The following STK31 variants were observed in gnomAD, a reference collection of about 807,000 sequenced individuals.
STK31 encodes serine/threonine kinase 31.
Under a neutral mutation model 129.7 loss-of-function variants are expected in STK31, and 89 were observed. The observed-to-expected ratio is 0.69, with a 90% CI of 0.58 to 0.82. The LOEUF (loss-of-function observed/expected upper bound fraction) is 0.82, where lower values mean the gene tolerates loss of function less well. STK31 is among the 40% of genes least tolerant of loss of function. STK31 has a pLI of 0.00. For missense variants in STK31, 1,187 were observed against 1,176.4 expected, an observed-to-expected ratio of 1.01 and a Z score of -0.13; for synonymous variants, 448 against 395.3, an observed-to-expected ratio of 1.13 and a Z score of -1.58.
intron 18 of STK31, 124 bp from the exon 19 acceptor site, chr7:23,786,384 A>G (rs904906198): frequency 9.2e-7 from 1 of 1,083,206 alleles, no homozygotes; most frequent in African/African-American, 1.6e-5. Flanking sequence ...GTACTTATAA[A>G]ATTAAAAAAT....
At chr7:23,714,281 C>G (rs181231018) in intron 3 of STK31, among the ~76,000 whole-genome samples, 4 of 152,342 alleles carry the variant, frequency 2.6e-5, no homozygotes, top group Admixed American at 2.0e-4. Context: ...CTCACACGTT[C>G]TGGTTCCATG....
intron 15 of STK31, among the ~76,000 whole-genome samples, chr7:23,774,657 G>C (rs947965123): frequency 6.6e-6 from 1 of 151,966 alleles, no homozygotes; most frequent in Non-Finnish European, 1.5e-5. Context: ...TGTTTAAGTC[G>C]TGGTAGATTC....
chr7:23,710,175 A>AT, upstream of STK31: 1 of 1,579,368 alleles, frequency 6.3e-7, no homozygotes, highest in Non-Finnish European at 8.6e-7. Flanking sequence ...CTAACACCGG[A>AT]TGATGGCGCA....
At chr7:23,716,977 T>C (rs1786370379) in intron 3 of STK31, among the ~76,000 whole-genome samples, 1 of 151,684 alleles carries the variant, frequency 6.6e-6, no homozygotes, top group Non-Finnish European at 1.5e-5. Context: ...TGTATTATTT[T>C]TGTAGAGACA....
chr7:23,747,703 A>G (rs1217991998), intron 8 of STK31, among the ~76,000 whole-genome samples: 1 of 152,178 alleles, frequency 6.6e-6, no homozygotes, highest in Non-Finnish European at 1.5e-5. Context: ...TTGGCAGATT[A>G]CGTCTTTCAA....
chr7:23,777,645 C>G (rs1399582901), intron 15 of STK31, among the ~76,000 whole-genome samples: 2 of 151,480 alleles, frequency 1.3e-5, no homozygotes, highest in Non-Finnish European at 2.9e-5. Context: ...TATCAGATAC[C>G]AGGATTGCAA....
intron 23 of STK31, among the ~76,000 whole-genome samples, chr7:23,826,284 G>A (rs1388250505): frequency 1.3e-5 from 2 of 152,150 alleles, no homozygotes; most frequent in African/African-American, 4.8e-5. Flanking sequence ...GGGTCCTCCT[G>A]TATTGGGTGC....
chr7:23,819,122 T>C (rs1326919634), intron 23 of STK31, among the ~76,000 whole-genome samples: 1 of 152,246 alleles, frequency 6.6e-6, no homozygotes, highest in African/African-American at 2.4e-5. Flanking sequence ...ATAAGACTTT[T>C]GTTCCTGATC....
intron 22 of STK31, among the ~76,000 whole-genome samples, chr7:23,808,973 C>CTGTG (rs1792913124): frequency 1.0e-4 from 3 of 28,582 alleles, no homozygotes; most frequent in African/African-American, 1.1e-4. Context: ...GTGTGTGTGC[C>CTGTG]TGTGTCTGTT....
chr7:23,802,500 C>T (rs368450289), intron 22 of STK31, among the ~76,000 whole-genome samples: 13 of 152,026 alleles, frequency 8.6e-5, no homozygotes, highest in African/African-American at 2.9e-4. Flanking sequence ...TTGAGGGGAG[C>T]GCCAAGAAGC....
At chr7:23,719,626 A>C (rs1786563596) in intron 4 of STK31, among the ~76,000 whole-genome samples, 1 of 152,146 alleles carries the variant, frequency 6.6e-6, no homozygotes, top group African/African-American at 2.4e-5. Context: ...GCATTTCAGT[A>C]ATCATCTAAG....
chr7:23,815,337 A>G (rs1209779928), intron 23 of STK31, 125 bp downstream of exon 23: 1 of 659,056 alleles, frequency 1.5e-6, no homozygotes, highest in Non-Finnish European at 2.4e-6. Flanking sequence ...TAAATGAAGT[A>G]TTGAAAAAAA....
chr7:23,794,411 A>G (rs1584459088), intron 22 of STK31, among the ~76,000 whole-genome samples: 1 of 152,234 alleles, frequency 6.6e-6, no homozygotes, highest in Non-Finnish European at 1.5e-5. Flanking sequence ...CTGTGAGTCA[A>G]TTAAACCTCT....
chr7:23,718,099 A>G (rs999631581), intron 4 of STK31, among the ~76,000 whole-genome samples: 5 of 152,166 alleles, frequency 3.3e-5, no homozygotes, highest in South Asian at 2.1e-4. Context: ...AGTCAATTTT[A>G]TGTTATGTAT....
chr7:23,740,059 T>C (rs762581379), intron 8 of STK31, among the ~76,000 whole-genome samples: 1 of 152,200 alleles, frequency 6.6e-6, no homozygotes, highest in African/African-American at 2.4e-5. Context: ...TCAATTACTT[T>C]GGGCAGTGTG....
At chr7:23,731,601 T>C (rs1787436979) in intron 6 of STK31, among the ~76,000 whole-genome samples, 1 of 152,160 alleles carries the variant, frequency 6.6e-6, no homozygotes. Flanking sequence ...TCCTTCCCCT[T>C]TTCCAGAAGG....
Position 23,774,958 on chromosome 7 carries a change from G to A in STK31, c.1965+2680G>A, listed in dbSNP as rs184072974. ...CACCTTGAATTAATTTTTGTATAAG[G>A]TGTAAGGAAGGTATCCAGTTTCAGC... On this transcript the variant is annotated intron_variant, in intron 15 of 23. Transcript: ENST00000355870. Among the ~76,000 whole-genome samples the A allele has an allele frequency of 3.2e-3, 494 of 152,256 alleles. 6 individuals carry two copies. Among genetic ancestry groups the A allele is most frequent in the African/African-American group, 0.011 (473 of 41,536 alleles).
rs1389362267 is a variant in STK31, at chr7:23,786,858, G to C, written c.2421G>C (p.Leu807=). ...FLCKSDPMAY[L]MVPYYPRANL... is the part of the protein sequence containing the mutation. ...CTTAGTCTGATCCTATGGCTTATCT[G>C]ATGGTCCCATACTACCCTAGGGCAA... Residue 807 remains leucine, a synonymous_variant, in exon 20 of 24, where the codon CTG becomes CTC. Coordinates refer to ENST00000355870, the MANE Select transcript of STK31 (RefSeq NM_031414.5). The C allele has an allele frequency of 6.2e-7, 1 of 1,613,758 alleles. No homozygotes were observed. Among genetic ancestry groups the C allele is most frequent in the Non-Finnish European group, 8.5e-7 (1 of 1,179,870 alleles).
chr7:23,750,067 T>TCC lies in STK31; in HGVS notation c.1018-2643_1018-2642dup, dbSNP rs1171568592. Among the ~76,000 whole-genome samples the TCC allele has an allele frequency of 7.9e-3, 715 of 90,560 alleles. 83 individuals are homozygous for TCC. The highest frequency in any genetic ancestry group is 0.026 in the African/African-American group (679 of 25,828). 59.4% of individuals were successfully genotyped at this position (90,560 alleles called of 152,430 possible). ...CTGGGATATTTCAGAATGGTTTGTT[T>TCC]CCCCCCCCGCCACTGCTGGAAACAT... is the stretch of plus-strand genomic sequence containing the variant. On this transcript the variant is annotated intron_variant, in intron 8 of 23. Coordinates refer to ENST00000355870, the MANE Select transcript of STK31 (RefSeq NM_031414.5).
Sources: allele counts gnomAD v4.1 joint callset (sites outside exome capture counted in the v4.1 genomes callset), GRCh38; gene constraint gnomAD v4.1.1; transcripts MANE v1.5; gene names NCBI Gene and HGNC (gene_info 2026-07-23, HGNC 2026-07-21).